The following PDE6A variants were observed in gnomAD, a reference collection of about 807,000 sequenced individuals.
PDE6A encodes phosphodiesterase 6A.
Under a neutral mutation model 106.3 loss-of-function variants are expected in PDE6A, and 84 were observed. That is an observed-to-expected ratio of 0.79 (90% CI 0.66 to 0.95). The LOEUF is 0.95. Among genes scored for constraint, PDE6A ranks in the 40% least tolerant of loss-of-function variants. PDE6A has a pLI of 0.00. For missense variants in PDE6A, 1,052 were observed against 1,084.9 expected (o/e 0.97, Z 0.43); for synonymous variants, 394 against 386.6 (o/e 1.02, Z -0.23).
chr5:149,870,779 A>AC (rs1760507695), intron 17 of PDE6A, among the ~76,000 whole-genome samples: 1 of 151,406 alleles, frequency 6.6e-6, no homozygotes, highest in Non-Finnish European at 1.5e-5. Context: ...GGCAAAAAAA[A>AC]AAAAAAAAAA....
At chr5:149,932,503 C>G (rs1425828059) in intron 3 of PDE6A, 2 of 1,368,908 alleles carry the variant, frequency 1.5e-6, no homozygotes, top group African/African-American at 2.8e-5. Flanking sequence ...ACAATCCTCT[C>G]TGGAACTTGC....
chr5:149,932,386 G>A (rs1021542014), intron 3 of PDE6A: 1 of 1,365,482 alleles, frequency 7.3e-7, no homozygotes, highest in South Asian at 1.2e-5. Flanking sequence ...CTTAGCCTAA[G>A]TACACGAGGT....
intron 8 of PDE6A, among the ~76,000 whole-genome samples, chr5:149,903,099 T>C (rs1272142132): frequency 7.7e-6 from 1 of 129,618 alleles, no homozygotes; most frequent in Non-Finnish European, 1.6e-5. Flanking sequence ...CAATGAGCTA[T>C]GATTGCACCA....
chr5:149,942,449 T>A (rs945076220), intron 1 of PDE6A, among the ~76,000 whole-genome samples: 28 of 151,994 alleles, frequency 1.8e-4, no homozygotes, highest in African/African-American at 6.0e-4. Flanking sequence ...AGTCACCATA[T>A]TGATGCTGAC....
At chr5:149,882,684 TTG>T (rs1760970935) in intron 17 of PDE6A, among the ~76,000 whole-genome samples, 1 of 152,106 alleles carries the variant, frequency 6.6e-6, no homozygotes, top group Non-Finnish European at 1.5e-5. Flanking sequence ...CACAGCTATA[TTG>T]TGGGATATTG....
At chr5:149,916,145 T>C (rs1753543816) in intron 5 of PDE6A, among the ~76,000 whole-genome samples, 1 of 152,194 alleles carries the variant, frequency 6.6e-6, no homozygotes, top group South Asian at 2.1e-4. Flanking sequence ...GCCTCATTTC[T>C]CTTTTTTATA....
chr5:149,934,052 G>A, intron 2 of PDE6A, 33 bp from the exon 3 acceptor site: 1 of 1,227,638 alleles, frequency 8.1e-7, no homozygotes, highest in Non-Finnish European at 1.2e-6. Context: ...GGAGGCAGGT[G>A]AGAAGAAGAA....
intron 10 of PDE6A, among the ~76,000 whole-genome samples, chr5:149,898,094 T>C (rs1340759137): frequency 6.6e-6 from 1 of 152,150 alleles, no homozygotes. Flanking sequence ...GAATGAGGTG[T>C]TTCTGCAAGC....
intron 18 of PDE6A, 128 bp downstream of exon 18, chr5:149,867,967 T>G: frequency 8.9e-7 from 1 of 1,121,340 alleles, no homozygotes; most frequent in Non-Finnish European, 1.4e-6. Flanking sequence ...ATGATTCCCA[T>G]GTCTTGGTAG....
At chr5:149,928,955 C>T (rs1753947983) in intron 4 of PDE6A, among the ~76,000 whole-genome samples, 1 of 152,152 alleles carries the variant, frequency 6.6e-6, no homozygotes, top group Non-Finnish European at 1.5e-5. Flanking sequence ...GATAAAGCCA[C>T]ATGCTCACCA....
At chr5:149,931,682 T>C (rs1315819518) in intron 3 of PDE6A, among the ~76,000 whole-genome samples, 3 of 152,246 alleles carry the variant, frequency 2.0e-5, no homozygotes, top group African/African-American at 4.8e-5. Flanking sequence ...GCTTACAGTG[T>C]TTGAGAAACA....
At chr5:149,881,866 C>A (rs1245395980) in intron 17 of PDE6A, among the ~76,000 whole-genome samples, 1 of 151,960 alleles carries the variant, frequency 6.6e-6, no homozygotes, top group Non-Finnish European at 1.5e-5. Flanking sequence ...CCAGCCTAGG[C>A]AACATGGCAA....
At chr5:149,907,039 TG>T (rs1384743007) in intron 7 of PDE6A, among the ~76,000 whole-genome samples, 3 of 152,228 alleles carry the variant, frequency 2.0e-5, no homozygotes, top group Non-Finnish European at 4.4e-5. Context: ...CCCAAAGTTC[TG>T]GGATTATAGG....
At chr5:149,897,094 A>G (rs1752784079) in intron 10 of PDE6A, among the ~76,000 whole-genome samples, 2 of 152,270 alleles carry the variant, frequency 1.3e-5, no homozygotes, top group Admixed American at 1.3e-4. Flanking sequence ...CTCAAGTAAC[A>G]TATGTAAAAT....
In PDE6A at chr5:149,884,188, GAAA is replaced by G. The variant is rs55911717; in HGVS notation, c.2027+288_2027+290del. Among the ~76,000 whole-genome samples, 4 of 72,660 alleles carry G rather than the reference GAAA, an allele frequency of 5.5e-5. 1 individual carries two copies. The highest frequency in any genetic ancestry group is 2.0e-4 in the African/African-American group (4 of 19,726). 47.7% of individuals were successfully genotyped at this position (72,660 alleles called of 152,430 possible). ...CAGAGTGAGATCCTGTCTCAAAAAA[GAAA>G]AAAAAAAAATATATATATATATATA... On this transcript the variant is annotated intron_variant, in intron 16 of 21. Coordinates refer to ENST00000255266, the MANE Select transcript of PDE6A (RefSeq NM_000440.3).
intron 13 of PDE6A, among the ~76,000 whole-genome samples, chr5:149,891,893 C>T (rs1330464240): frequency 6.6e-6 from 1 of 152,198 alleles, no homozygotes; most frequent in Non-Finnish European, 1.5e-5. Context: ...CCAGCACCCA[C>T]TGGATCATCT....
intron 4 of PDE6A, among the ~76,000 whole-genome samples, chr5:149,930,603 T>C (rs2113655709): frequency 6.6e-6 from 1 of 152,358 alleles, no homozygotes; most frequent in Non-Finnish European, 1.5e-5. Context: ...TGTCGGCATC[T>C]GCCTCCACTT....
rs967823469 is a variant in PDE6A, at chr5:149,907,202, A to G, written c.1065+110T>C. ...AGAGAAACAAGAGAATTAGGCTTTT[A>G]GAGATCCACACTTGCCATCATCTTT... is the stretch of plus-strand genomic sequence containing the variant. On this transcript the variant is annotated intron_variant, in intron 7 of 21. Transcript: ENST00000255266. 5 of 860,656 alleles carry G rather than the reference A, an allele frequency of 5.8e-6. No individual in the cohort carries two copies. The African/African-American group carries it at 8.4e-5, about 14-fold the overall frequency. The allele number at this position is 860,656 out of a possible 1,614,324, so 53.3% of individuals were successfully genotyped here. A position where few individuals can be genotyped will look rare whatever the true frequency, so the allele number is the denominator to read the frequency against.
chr5:149,894,025 G>A (rs1054564038), intron 13 of PDE6A, among the ~76,000 whole-genome samples: 2 of 152,184 alleles, frequency 1.3e-5, no homozygotes, highest in African/African-American at 4.8e-5. Flanking sequence ...TGCTGGTAGA[G>A]GGGTACCAGT....
Sources: gnomAD v4.1 joint callset for allele counts (sites outside exome capture counted in the v4.1 genomes callset) on GRCh38, gnomAD v4.1.1 for gene constraint, MANE v1.5 for transcripts, NCBI Gene and HGNC (gene_info 2026-07-23, HGNC 2026-07-21) for gene names.